The following PDE5A variants were observed in gnomAD, a reference collection of about 807,000 sequenced individuals.
PDE5A encodes phosphodiesterase 5A, also known as cGMP-specific 3',5'-cyclic phosphodiesterase.
In PDE5A, 67 loss-of-function variants were observed where a neutral mutation model predicts 110.2. The ratio of observed to expected loss-of-function variants is 0.61; its 90% confidence interval spans 0.50 to 0.75. The LOEUF (loss-of-function observed/expected upper bound fraction) is 0.75. Ranked by LOEUF, PDE5A falls within the 30% of genes least tolerant of loss-of-function variation. The pLI, the probability that PDE5A is intolerant of heterozygous loss-of-function variation, is 0.00. For synonymous variants in PDE5A, 328 were observed against 351.2 expected (o/e 0.93, Z 0.74); for missense variants, 862 against 1,045.1 (o/e 0.82, Z 2.42).
intron 3 of PDE5A, among the ~76,000 whole-genome samples, chr4:119,583,266 G>C (rs573574512): frequency 6.6e-6 from 1 of 152,088 alleles, no homozygotes; most frequent in Non-Finnish European, 1.5e-5. Context: ...GCTTCTTTCC[G>C]TAAACCTCAC....
At chr4:119,558,550 G>A (rs550766398) in intron 7 of PDE5A, among the ~76,000 whole-genome samples, 1 of 152,180 alleles carries the variant, frequency 6.6e-6, no homozygotes, top group Admixed American at 6.5e-5. Flanking sequence ...ATTTGCTGGT[G>A]AAAAATAAGT....
rs1467190830 is a variant in PDE5A, at chr4:119,627,101, GC to G, written c.152+1418del. 2 of 1,606,404 alleles carry G rather than the reference GC, an allele frequency of 1.2e-6. No homozygotes were observed. The highest frequency in any genetic ancestry group is 8.5e-7 in the Non-Finnish European group (1 of 1,175,830). Reference sequence around the variant, plus strand: ...CCACCCAGCACCCGAGACCCGCCGCGCCCCCGGAAAAAGTGGGAAGGGACGT... The same window carrying G: ...CCACCCAGCACCCGAGACCCGCCGCGCCCCGGAAAAAGTGGGAAGGGACGT... On this transcript the variant is annotated intron_variant, in intron 1 of 20. Coordinates refer to ENST00000354960, the MANE Select transcript of PDE5A (RefSeq NM_001083.4). The surrounding 1 kb of genome is among the most constrained non-coding windows in gnomAD (Gnocchi z 4.6).
chr4:119,574,200 T>G (rs1331603822), intron 3 of PDE5A, among the ~76,000 whole-genome samples: 2 of 147,786 alleles, frequency 1.4e-5, no homozygotes, highest in African/African-American at 2.5e-5. Flanking sequence ...TTTTTTTTTT[T>G]GAGACAGAGT....
chr4:119,525,838 A>T lies in PDE5A; in HGVS notation c.1633-143T>A, dbSNP rs1726297611. 1.4e-6 allele frequency: 1 copy of T among 690,434 alleles called. No homozygotes were observed. Among genetic ancestry groups the T allele is most frequent in the Admixed American group, 2.9e-5 (1 of 34,088 alleles). The allele number at this position is 690,434 out of a possible 1,614,324, so 42.8% of individuals were successfully genotyped here. ...TGAAAGACACTAGAAACCTTTTTGT[A>T]CAGTGGCAACTCCACTCTCTGCATT... On this transcript the variant is annotated intron_variant, in intron 11 of 20. Transcript: ENST00000354960. The surrounding 1 kb of genome is among the most constrained non-coding windows in gnomAD (Gnocchi z 4.3).
intron 1 of PDE5A, among the ~76,000 whole-genome samples, chr4:119,618,151 CATT>C (rs1730007348): frequency 6.6e-6 from 1 of 152,008 alleles, no homozygotes; most frequent in South Asian, 2.1e-4. Flanking sequence ...ACCTTAGGTA[CATT>C]ATTTACTCTC....
chr4:119,583,246 T>TATGC (rs1728649233), intron 3 of PDE5A, among the ~76,000 whole-genome samples: 1 of 152,250 alleles, frequency 6.6e-6, no homozygotes, highest in Admixed American at 6.5e-5. Context: ...ACTTTTGTGT[T>TATGC]ATGCAGATGG....
chr4:119,578,732 A>G (rs1282072224), intron 3 of PDE5A, among the ~76,000 whole-genome samples: 2 of 152,172 alleles, frequency 1.3e-5, no homozygotes, highest in African/African-American at 4.8e-5. Context: ...AACCATAAAA[A>G]CCCTAGAAGA....
chr4:119,619,212 A>G (rs942498332), intron 1 of PDE5A, among the ~76,000 whole-genome samples: 2 of 152,198 alleles, frequency 1.3e-5, no homozygotes, highest in African/African-American at 4.8e-5. Flanking sequence ...CTTATTTTAT[A>G]CAGTTTCAGT....
At chr4:119,595,274 G>A (rs1729114610) in intron 3 of PDE5A, among the ~76,000 whole-genome samples, 1 of 152,136 alleles carries the variant, frequency 6.6e-6, no homozygotes, top group Non-Finnish European at 1.5e-5. Context: ...ATTGGCAGTG[G>A]TTCTCAACCT....
At chr4:119,617,769 C>T (rs1729991637) in intron 1 of PDE5A, among the ~76,000 whole-genome samples, 1 of 152,198 alleles carries the variant, frequency 6.6e-6, no homozygotes, top group African/African-American at 2.4e-5. Context: ...TGAAAATATA[C>T]TGTACTAGGG....
chr4:119,563,062 C>A, intron 5 of PDE5A, 92 bp from the exon 6 acceptor site: 1 of 1,071,932 alleles, frequency 9.3e-7, no homozygotes, highest in Non-Finnish European at 1.3e-6. Context: ...GTTTATATAA[C>A]CTAGCAGGTT....
intron 11 of PDE5A, among the ~76,000 whole-genome samples, chr4:119,537,100 G>A (rs1429842957): frequency 6.6e-6 from 1 of 152,002 alleles, no homozygotes; most frequent in Non-Finnish European, 1.5e-5. Flanking sequence ...TCACTGTCTT[G>A]CATTGTTATT....
intron 19 of PDE5A, among the ~76,000 whole-genome samples, chr4:119,501,680 G>GA (rs372131149): frequency 6.6e-6 from 1 of 151,744 alleles, no homozygotes; most frequent in African/African-American, 2.4e-5. Flanking sequence ...AATACAAAAA[G>GA]AAAAAAAGAG....
intron 15 of PDE5A, 38 bp from the exon 16 acceptor site, chr4:119,507,742 GA>G: frequency 7.6e-7 from 1 of 1,318,856 alleles, no homozygotes; most frequent in Non-Finnish European, 1.1e-6. Flanking sequence ...ACATCCTGGA[GA>G]AGCTGCTGAC....
chr4:119,620,218 T>C (rs892205684), intron 1 of PDE5A, among the ~76,000 whole-genome samples: 2 of 152,210 alleles, frequency 1.3e-5, no homozygotes, highest in African/African-American at 2.4e-5. Flanking sequence ...CTAAGTGATA[T>C]CCTCCAATAA....
At chr4:119,512,465 G>GT (rs1725777883) in intron 14 of PDE5A, 1 of 152,136 alleles carries the variant, frequency 6.6e-6, no homozygotes, top group Non-Finnish European at 1.5e-5. Flanking sequence ...ACAGGATTGC[G>GT]TATGTATCGA....
chr4:119,565,455 T>C, intron 4 of PDE5A, 45 bp from the exon 5 acceptor site: 1 of 1,256,946 alleles, frequency 8.0e-7, no homozygotes, highest in Non-Finnish European at 1.2e-6. Flanking sequence ...CATAAAACAG[T>C]CTAGTTACAT....
chr4:119,628,532 C>A lies in PDE5A; in HGVS notation c.140G>T (p.Arg47Ile), dbSNP rs200377039. Residue 47 changes from arginine (R) to isoleucine (I), a missense_variant, in exon 1 of 21, where the codon AGA becomes ATA. Arg to Ile is a moderately conservative substitution (Grantham distance 97, BLOSUM62 -3). Coordinates refer to ENST00000354960, the MANE Select transcript of PDE5A (RefSeq NM_001083.4). ...HWDFTFSYFVRKATREMVNAW... is the reference protein window; with the variant it reads ...HWDFTFSYFVIKATREMVNAW... ...GTCCTCTTCTTACCTGGTGGCTTTT[C>A]TAACAAAGTATGAGAAGGTAAAGTC... is the stretch of plus-strand genomic sequence containing the variant. 1 of 1,582,104 alleles carries A rather than the reference C, an allele frequency of 6.3e-7. No homozygotes were observed. The highest frequency in any genetic ancestry group is 8.6e-7 in the Non-Finnish European group (1 of 1,159,738).
intron 3 of PDE5A, among the ~76,000 whole-genome samples, chr4:119,587,453 G>A (rs1215970751): frequency 1.3e-5 from 2 of 151,176 alleles, no homozygotes; most frequent in South Asian, 2.1e-4. Flanking sequence ...GCACAATCTC[G>A]GCTCACTGCA....
Sources: allele counts gnomAD v4.1 joint callset (sites outside exome capture counted in the v4.1 genomes callset), GRCh38; gene constraint gnomAD v4.1.1; non-coding constraint Gnocchi (gnomAD v3.1); transcripts MANE v1.5; gene names NCBI Gene and HGNC (gene_info 2026-07-23, HGNC 2026-07-21).